Variants in CSNK2A2IP observed in about 807,000 individuals in gnomAD.
CSNK2A2IP encodes the protein casein kinase 2 subunit alpha' interacting protein.
chr3:88,375,309 G>A, the CSNK2A2IP span, among the ~76,000 whole-genome samples: 1 of 151,774 alleles, frequency 6.6e-6, no homozygotes, highest in African/African-American at 2.4e-5. Context: ...GCAAGCCATC[G>A]CTGATCTCCC....
At chr3:88,378,597 CGT>C in the CSNK2A2IP span, among the ~76,000 whole-genome samples, 1 of 151,976 alleles carries the variant, frequency 6.6e-6, no homozygotes. Context: ...TAAATAGACA[CGT>C]ATGGCTAATG....
chr3:88,409,344 A>G, the CSNK2A2IP span, among the ~76,000 whole-genome samples: 1 of 151,938 alleles, frequency 6.6e-6, no homozygotes, highest in African/African-American at 2.4e-5. Flanking sequence ...TTCTGAGAAA[A>G]TGGAAGAGGC....
chr3:88,394,676 A>C, the CSNK2A2IP span, among the ~76,000 whole-genome samples: 1 of 152,174 alleles, frequency 6.6e-6, no homozygotes, highest in Non-Finnish European at 1.5e-5. Context: ...ACACAGCCTT[A>C]ATTTGCATTT....
the CSNK2A2IP span, among the ~76,000 whole-genome samples, chr3:88,435,959 T>C: frequency 7.7e-6 from 1 of 130,146 alleles, no homozygotes; most frequent in Non-Finnish European, 1.7e-5. Context: ...ATGCACATTA[T>C]GTGTGCATTA....
At chr3:88,347,165 C>T in the CSNK2A2IP span, among the ~76,000 whole-genome samples, 2 of 151,968 alleles carry the variant, frequency 1.3e-5, no homozygotes, top group African/African-American at 4.8e-5. Context: ...TGAGGAGTTG[C>T]TTCTTATGGA....
chr3:88,343,316 A>G, the CSNK2A2IP span: 1 of 152,212 alleles, frequency 6.6e-6, no homozygotes, highest in Non-Finnish European at 1.5e-5. Context: ...TTCAACAACC[A>G]TAATAATTAA....
At chr3:88,431,628 T>G in the CSNK2A2IP span, among the ~76,000 whole-genome samples, 1 of 152,100 alleles carries the variant, frequency 6.6e-6, no homozygotes, top group African/African-American at 2.4e-5. Context: ...AAAGACTAAT[T>G]TATTAAAAAA....
the CSNK2A2IP span, among the ~76,000 whole-genome samples, chr3:88,436,054 G>C: frequency 6.6e-6 from 1 of 151,844 alleles, no homozygotes; most frequent in African/African-American, 2.4e-5. Flanking sequence ...CAAGAGAAAG[G>C]AGAAGGGACA....
the CSNK2A2IP span, among the ~76,000 whole-genome samples, chr3:88,352,267 C>T: frequency 3.3e-5 from 5 of 152,128 alleles, no homozygotes; most frequent in African/African-American, 1.2e-4. Context: ...ATAAAACTCA[C>T]ATTGGTGAAG....
the CSNK2A2IP span, among the ~76,000 whole-genome samples, chr3:88,439,522 T>C: frequency 6.6e-6 from 1 of 151,860 alleles, no homozygotes; most frequent in Admixed American, 6.6e-5. Flanking sequence ...GGCAGGCAGA[T>C]CATGAGGTCA....
At chr3:88,367,559 A>G in the CSNK2A2IP span, among the ~76,000 whole-genome samples, 1 of 152,130 alleles carries the variant, frequency 6.6e-6, no homozygotes, top group Non-Finnish European at 1.5e-5. Flanking sequence ...CATTGTACAT[A>G]TACACTTCCT....
the CSNK2A2IP span, among the ~76,000 whole-genome samples, chr3:88,438,371 C>A: frequency 0.028 from 4,326 of 152,162 alleles, 215 homozygotes; most frequent in African/African-American, 0.097. Flanking sequence ...TCCTGTTTAC[C>A]TTTCTCCCCC....
At chr3:88,466,602 G>A in the CSNK2A2IP span, 4 of 1,231,572 alleles carry the variant, frequency 3.2e-6, no homozygotes, top group Middle Eastern at 9.4e-4. Context: ...GGACTTTAAA[G>A]TATAGTCAGC....
At chr3:88,446,032 T>TTCTTTCTTTCTC in the CSNK2A2IP span, among the ~76,000 whole-genome samples, 145 of 5,810 alleles carry the variant, frequency 0.025, 8 homozygotes, top group East Asian at 0.05. Context: ...TTTGTTTCTT[T>TTCTTTCTTTCTC]TCTTTCTTTC....
the CSNK2A2IP span, among the ~76,000 whole-genome samples, chr3:88,430,469 T>C: frequency 1.3e-5 from 2 of 152,128 alleles, no homozygotes; most frequent in Non-Finnish European, 2.9e-5. Context: ...AAATGGAAGT[T>C]GCTGAAGAGT....
the CSNK2A2IP span, among the ~76,000 whole-genome samples, chr3:88,389,487 G>A: frequency 1.3e-5 from 2 of 152,152 alleles, no homozygotes; most frequent in African/African-American, 4.8e-5. Flanking sequence ...CTCATGGAGG[G>A]ACTTATAGGC....
chr3:88,353,856 C>T, the CSNK2A2IP span, among the ~76,000 whole-genome samples: 1 of 152,234 alleles, frequency 6.6e-6, no homozygotes, highest in African/African-American at 2.4e-5. Flanking sequence ...AGTCATTAAA[C>T]TTTCTAAGCC....
At chr3:88,411,823 A>AC in the CSNK2A2IP span, among the ~76,000 whole-genome samples, 4 of 150,872 alleles carry the variant, frequency 2.7e-5, 1 homozygote, top group African/African-American at 4.9e-5. Context: ...TCTAATTAAT[A>AC]TTTTATTTTA....
the CSNK2A2IP span, among the ~76,000 whole-genome samples, chr3:88,388,027 C>T: frequency 6.6e-6 from 1 of 152,194 alleles, no homozygotes; most frequent in Non-Finnish European, 1.5e-5. Context: ...CCTCCTTTCC[C>T]ATAGTGTTTC....
Sources: gnomAD v4.1 joint callset for allele counts (sites outside exome capture counted in the v4.1 genomes callset) on GRCh38, gnomAD v4.1.1 for gene constraint, MANE v1.5 for transcripts, NCBI Gene and HGNC (gene_info 2026-07-23, HGNC 2026-07-21) for gene names.